The following EP400 variants were observed in gnomAD, a reference collection of about 807,000 sequenced individuals.
EP400 encodes the protein E1A-binding protein p400.
EP400 carries 105 observed loss-of-function variants against 354.1 expected under a neutral mutation model. The ratio of observed to expected loss-of-function variants is 0.30; its 90% confidence interval spans 0.25 to 0.35. The LOEUF (loss-of-function observed/expected upper bound fraction) is 0.35. Ranked by LOEUF, EP400 falls within the 10% of genes least tolerant of loss-of-function variation. EP400 has a pLI of 1.00. For synonymous variants in EP400, 1,646 were observed against 1,716.9 expected (o/e 0.96, Z 1.02); for missense variants, 3,280 against 4,121.0 (o/e 0.80, Z 5.59).
chr12:132,013,966 A>T lies in EP400; in HGVS notation c.3923+53A>T. The T allele has an allele frequency of 6.3e-7, 1 of 1,594,698 alleles. No homozygotes were observed. The highest frequency in any genetic ancestry group is 8.5e-7 in the Non-Finnish European group (1 of 1,171,238). ...CCTTTGCTGTCCCTGCCTGTGAGGG[A>T]AAACGGCCCTTTCTGTGGCCTCAGC... On this transcript the variant is annotated intron_variant, in intron 19 of 52. Coordinates refer to ENST00000389561, the MANE Select transcript of EP400 (RefSeq NM_015409.5). This position sits in a 1 kb window ranked among gnomAD's most constrained non-coding sequence, Gnocchi z 4.5.
Position 131,960,954 on chromosome 12 carries a change from G to T in EP400, c.335G>T (p.Arg112Leu). The T allele has an allele frequency of 6.2e-7, 1 of 1,611,846 alleles. No individual in the cohort carries two copies. Among genetic ancestry groups the T allele is most frequent in the Non-Finnish European group, 8.5e-7 (1 of 1,179,278 alleles). The change falls in exon 2 of 53, where the codon CGG becomes CTG. Residue 112 changes from arginine to leucine, a missense_variant. By Grantham distance (102) the Arg-to-Leu change is moderately radical. This residue lies in a region of EP400 where 172 missense variants were observed against 242.9 expected (regional missense o/e 0.71). Coordinates refer to ENST00000389561, the MANE Select transcript of EP400 (RefSeq NM_015409.5). The stretch of plus-strand genomic sequence containing the variant: ...TTCCAGTTCAGCGCTCAGCCTCGGC[G>T]GTTTGAGCATGGGTCTCCATCATAC... ...PGFQFSAQPRRFEHGSPSYIQ... is the reference protein window; with the variant it reads ...PGFQFSAQPRLFEHGSPSYIQ...
intron 2 of EP400, among the ~76,000 whole-genome samples, chr12:131,971,197 C>T (rs571341516): frequency 6.6e-6 from 1 of 152,082 alleles, no homozygotes; most frequent in Non-Finnish European, 1.5e-5. Context: ...GAGCAATACC[C>T]TGTCTCTTAA....
At chr12:131,955,207 T>C (rs916272249) in intron 1 of EP400, among the ~76,000 whole-genome samples, 4 of 152,230 alleles carry the variant, frequency 2.6e-5, no homozygotes, top group African/African-American at 9.6e-5. Flanking sequence ...TGTCTTTGTT[T>C]CTCTAATGTG....
At chr12:132,006,604 A>G in intron 14 of EP400, 96 bp from the exon 15 acceptor site, 2 of 1,261,662 alleles carry the variant, frequency 1.6e-6, no homozygotes, top group Non-Finnish European at 2.2e-6. Flanking sequence ...TGGCTTTCTA[A>G]TTGGTTTATC....
At chr12:132,039,063 G>A (rs894327659) in intron 32 of EP400, among the ~76,000 whole-genome samples, 4 of 152,048 alleles carry the variant, frequency 2.6e-5, no homozygotes, top group South Asian at 2.1e-4. Flanking sequence ...CCTGTCCGCC[G>A]ACACCCGAGA....
At chr12:132,065,127 G>C (rs528173403) in intron 48 of EP400, 19 of 718,610 alleles carry the variant, frequency 2.6e-5, no homozygotes, top group Admixed American at 1.5e-4. Flanking sequence ...TTGAATTGAG[G>C]GGGGTGGAGA....
chr12:131,968,493 G>T (rs1427013667), intron 2 of EP400, among the ~76,000 whole-genome samples: 1 of 152,220 alleles, frequency 6.6e-6, no homozygotes, highest in Non-Finnish European at 1.5e-5. Flanking sequence ...AAGTTTTGAA[G>T]TCAAGTAGTG....
chr12:131,962,289 ATCT>A (rs1452827383), intron 2 of EP400, among the ~76,000 whole-genome samples: 3 of 152,190 alleles, frequency 2.0e-5, no homozygotes, highest in African/African-American at 4.8e-5. Context: ...TTCCCCTTGT[ATCT>A]GGGTGTGTGG....
At chr12:132,062,034 C>A in intron 45 of EP400, 76 bp from the exon 46 acceptor site, 2 of 1,365,322 alleles carry the variant, frequency 1.5e-6, no homozygotes, top group Non-Finnish European at 2.0e-6. Context: ...GTGCTCTTGT[C>A]TTCCCTGCTC....
At position 132,013,201 on chromosome 12, in the gene EP400, AT is replaced by A. The variant is rs1397399062; in HGVS notation, c.3611+25del. 1.9e-6 allele frequency: 3 copies of A among 1,589,102 alleles called. No homozygotes were observed. Among genetic ancestry groups the A allele is most frequent in the Non-Finnish European group, 2.6e-6 (3 of 1,163,588 alleles). Reference sequence around the variant, plus strand: ...GAGGTCTGTGTGTTACGCGCTTGTCATTGAGTGTTCTTTGCTGTTGATGTAG... The same window carrying A: ...GAGGTCTGTGTGTTACGCGCTTGTCATGAGTGTTCTTTGCTGTTGATGTAG... On this transcript the variant is annotated intron_variant, in intron 17 of 52. Transcript: ENST00000389561. The surrounding 1 kb of genome is among the most constrained non-coding windows in gnomAD (Gnocchi z 4.5).
Position 131,982,226 on chromosome 12 carries a change from G to C in EP400, c.1677G>C (p.Gly559=), listed in dbSNP as rs201705753. Residue 559 remains glycine (G), a synonymous_variant, in exon 5 of 53, where the codon GGG becomes GGC. Coordinates refer to ENST00000389561, the MANE Select transcript of EP400 (RefSeq NM_015409.5). The part of the protein sequence containing the change: ...SLHTPLPQLP[G]RLPPAGVPTA... ...ACACCCCACTGCCGCAGCTGCCCGG[G>C]AGGCTGCCCCCAGCCGGTGTTCCCA... The C allele has an allele frequency of 4.1e-4, 669 of 1,613,898 alleles. 2 individuals carry two copies. The highest frequency in any genetic ancestry group is 5.4e-4 in the Non-Finnish European group (632 of 1,179,970).
intron 2 of EP400, among the ~76,000 whole-genome samples, chr12:131,970,236 A>G (rs536065055): frequency 6.6e-6 from 1 of 152,366 alleles, no homozygotes; most frequent in Admixed American, 6.5e-5. Context: ...ATCAACACGA[A>G]AAAGAGATGC....
At chr12:131,981,381 T>C (rs1040066906) in intron 3 of EP400, 108 bp from the exon 4 acceptor site, 2 of 804,658 alleles carry the variant, frequency 2.5e-6, no homozygotes, top group Non-Finnish European at 4.0e-6. Context: ...AGTTCATGTA[T>C]AGAAAGGCCT....
rs566625975 is a variant in EP400 at position 132,066,876 on chromosome 12, C to T, written c.8656C>T (p.Pro2886Ser). 1 of 1,613,924 alleles carries T rather than the reference C, an allele frequency of 6.2e-7. No homozygotes were observed. The highest frequency in any genetic ancestry group is 1.3e-5 in the African/African-American group (1 of 75,040). ...GGCGAAGCCTCCGGTGGTGTCCGTCCCGGCAGCTGTGGTCTCCTCACCGGG... is the reference window on the plus strand; with the variant it reads ...GGCGAAGCCTCCGGTGGTGTCCGTCTCGGCAGCTGTGGTCTCCTCACCGGG... The part of the protein sequence containing the change: ...ALAKPPVVSV[P>S]AAVVSSPGVT... The change falls in exon 49 of 53, where the codon CCG (proline) becomes TCG (serine). Residue 2886 changes from proline (P) to serine (S), a missense_variant. By Grantham distance (74) the Pro-to-Ser change is moderately conservative (BLOSUM62 -1). This residue lies in a region of EP400 where 279 missense variants were observed against 386.7 expected (regional missense o/e 0.72). Coordinates refer to ENST00000389561, the MANE Select transcript of EP400 (RefSeq NM_015409.5).
At chr12:131,966,562 C>CAAAAAAAAAAAAAAAA (rs534384776) in intron 2 of EP400, among the ~76,000 whole-genome samples, 2 of 57,518 alleles carry the variant, frequency 3.5e-5, no homozygotes, top group East Asian at 6.6e-4. Flanking sequence ...TACCCTACCT[C>CAAAAAAAAAAAAAAAA]AAAAAAAAAA....
In EP400 at chr12:131,963,158, A is replaced by G. The variant is rs137875075; in HGVS notation, c.1335+1204A>G. Among the ~76,000 whole-genome samples the G allele has an allele frequency of 9.0e-3, 1,366 of 152,286 alleles. 8 individuals are homozygous for G. The highest frequency in any genetic ancestry group is 0.02 in the African/African-American group (832 of 41,550). The stretch of plus-strand genomic sequence containing the variant: ...AAAGAAAAACAAATTCGTTTTTCCA[A>G]CTTCCTGCTGAAAAAGACCTTTGCC... On this transcript the variant is annotated intron_variant, in intron 2 of 52. Transcript: ENST00000389561.
chr12:132,043,374 A>C lies in EP400; in HGVS notation c.6278A>C (p.His2093Pro). Residue 2093 changes from histidine (H) to proline (P), a missense_variant, in exon 33 of 53, where the codon CAC (histidine) becomes CCC (proline). Coordinates refer to ENST00000389561, the MANE Select transcript of EP400 (RefSeq NM_015409.5). ...GCACAGGAGGGGGTGCTGGGACCAC[A>C]CACTGATGCTCTGTCATCAGACTCT... ...KSAQEGVLGP[H>P]TDALSSDSEN... is the part of the protein sequence containing the mutation. The C allele has an allele frequency of 1.2e-6, 2 of 1,614,062 alleles. No homozygotes were observed. Among genetic ancestry groups the C allele is most frequent in the Non-Finnish European group, 8.5e-7 (1 of 1,180,040 alleles).
In EP400 at chr12:132,038,238, C is replaced by T. The variant is rs1018230694; in HGVS notation, c.6207+142C>T. 2 of 1,030,592 alleles carry T rather than the reference C, an allele frequency of 1.9e-6. No homozygotes were observed. Among genetic ancestry groups the T allele is most frequent in the Non-Finnish European group, 2.8e-6 (2 of 719,412 alleles). 63.8% of individuals were successfully genotyped at this position (1,030,592 alleles called of 1,614,324 possible). On this transcript the variant is annotated intron_variant, in intron 32 of 52. Transcript: ENST00000389561. This position sits in a 1 kb window ranked among gnomAD's most constrained non-coding sequence, Gnocchi z 4.2. The stretch of plus-strand genomic sequence containing the variant: ...TTCCCGTCCCTGCTTTTGGAACCTC[C>T]CCACTCCCTTCTTTCTGTCATGGGG...
At chr12:131,967,587 G>A (rs1404900095) in intron 2 of EP400, among the ~76,000 whole-genome samples, 4 of 151,722 alleles carry the variant, frequency 2.6e-5, no homozygotes, top group African/African-American at 9.7e-5. Context: ...CTACTTGGGA[G>A]TCTGAGGCAG....
Sources: gnomAD v4.1 joint callset for allele counts (sites outside exome capture counted in the v4.1 genomes callset) on GRCh38, gnomAD v4.1.1 for gene constraint, gnomAD v4.1.1 regional missense constraint, Gnocchi (gnomAD v3.1) non-coding constraint, MANE v1.5 for transcripts, NCBI Gene and HGNC (gene_info 2026-07-23, HGNC 2026-07-21) for gene names.